The following TENM2 variants were observed in gnomAD, a reference collection of about 807,000 sequenced individuals.
TENM2 encodes the protein teneurin-2.
TENM2 carries 52 observed loss-of-function variants against 245.2 expected under a neutral mutation model. The ratio of observed to expected loss-of-function variants is 0.21; its 90% CI spans 0.17 to 0.27. TENM2 has a LOEUF of 0.27. TENM2 is among the 10% of genes least tolerant of loss of function. TENM2 has a pLI of 1.00. For synonymous variants in TENM2, 1,363 were observed against 1,438.9 expected (o/e 0.95, Z 1.19); for missense variants, 3,046 against 3,666.8 (o/e 0.83, Z 4.37).
chr5:167,950,829 CT>C (rs1006686806), intron 3 of TENM2, among the ~76,000 whole-genome samples: 1 of 152,116 alleles, frequency 6.6e-6, no homozygotes, highest in African/African-American at 2.4e-5. Flanking sequence ...CTATGAAACT[CT>C]CCCAAAGATA....
intron 5 of TENM2, among the ~76,000 whole-genome samples, chr5:168,033,398 T>C (rs1787303004): frequency 6.6e-6 from 1 of 152,156 alleles, no homozygotes; most frequent in East Asian, 1.9e-4. Flanking sequence ...ATTTAATCTC[T>C]CTAAGTCTCA....
intron 2 of TENM2, among the ~76,000 whole-genome samples, chr5:167,769,252 A>G (rs13183733): frequency 7.2e-5 from 11 of 152,170 alleles, no homozygotes; most frequent in Admixed American, 3.9e-4. Flanking sequence ...AGCACTTAGA[A>G]ATGTGGTTCA....
intron 2 of TENM2, among the ~76,000 whole-genome samples, chr5:167,744,820 C>CAAACAAAACAAAACAAAACA (rs144300762): frequency 6.9e-6 from 1 of 145,820 alleles, no homozygotes; most frequent in Admixed American, 6.8e-5. Flanking sequence ...AACAAACAAA[C>CAAACAAAACAAAACAAAACA]AAACAAAACA....
the TENM2 span, among the ~76,000 whole-genome samples, chr5:167,176,881 C>T: frequency 6.6e-6 from 1 of 152,134 alleles, no homozygotes; most frequent in Non-Finnish European, 1.5e-5. Flanking sequence ...GGATGGAGAA[C>T]GTGGATGGGG....
chr5:167,673,110 A>G (rs1272563796), intron 2 of TENM2, among the ~76,000 whole-genome samples: 1 of 152,032 alleles, frequency 6.6e-6, no homozygotes, highest in Non-Finnish European at 1.5e-5. Flanking sequence ...TAGCAGTGCT[A>G]CCAATGTGTA....
intron 1 of TENM2, among the ~76,000 whole-genome samples, chr5:167,302,462 G>C (rs1218765037): frequency 6.6e-6 from 1 of 151,326 alleles, no homozygotes; most frequent in Non-Finnish European, 1.5e-5. Flanking sequence ...TCCAGAAAAG[G>C]AGGAAAGGGG....
intron 2 of TENM2, among the ~76,000 whole-genome samples, chr5:167,787,477 T>C (rs1192466399): frequency 6.6e-6 from 1 of 152,226 alleles, no homozygotes; most frequent in African/African-American, 2.4e-5. Context: ...TTTGACTCCA[T>C]GTAGAAACAG....
intron 9 of TENM2, among the ~76,000 whole-genome samples, chr5:168,116,466 A>C (rs548907480): frequency 2.9e-4 from 44 of 152,148 alleles, no homozygotes; most frequent in Non-Finnish European, 5.7e-4. Context: ...AGAAAAAGGC[A>C]TTGTGTTTAC....
intron 2 of TENM2, among the ~76,000 whole-genome samples, chr5:167,492,496 G>A (rs191009007): frequency 6.6e-6 from 1 of 152,226 alleles, no homozygotes; most frequent in Admixed American, 6.5e-5. Context: ...AATACACAAT[G>A]TTATTAAGGA....
intron 3 of TENM2, among the ~76,000 whole-genome samples, chr5:167,917,090 G>A (rs905341525): frequency 1.3e-5 from 2 of 152,156 alleles, no homozygotes; most frequent in Non-Finnish European, 2.9e-5. Context: ...GGCATCAGAT[G>A]CACCTGATAA....
intron 12 of TENM2, among the ~76,000 whole-genome samples, chr5:168,140,920 G>C (rs1755489273): frequency 6.6e-6 from 1 of 152,142 alleles, no homozygotes; most frequent in African/African-American, 2.4e-5. Context: ...GGAGGCCAGG[G>C]ACAAGAATCT....
At chr5:167,696,676 C>T (rs1051650861) in intron 2 of TENM2, among the ~76,000 whole-genome samples, 3 of 152,130 alleles carry the variant, frequency 2.0e-5, no homozygotes, top group Admixed American at 6.5e-5. Flanking sequence ...ATTTTCTACA[C>T]GGGAATGACC....
In TENM2 at chr5:167,472,676, TA is replaced by T. The variant is rs200327393; in HGVS notation, c.502+97206del. On this transcript the variant is annotated intron_variant, in intron 2 of 28. Transcript: ENST00000518659. The stretch of plus-strand genomic sequence containing the variant: ...CTCTAGTGTTCCATTTATCTTCATA[TA>T]AAGGCTTTATCTGAAGAAAAATTAA... Among the ~76,000 whole-genome samples, 248 of 152,290 alleles carry T rather than the reference TA, an allele frequency of 1.6e-3. 7 individuals are homozygous for T. The East Asian group carries it at 0.028, about 17-fold the overall frequency.
intron 15 of TENM2, among the ~76,000 whole-genome samples, chr5:168,197,131 A>G (rs1404002340): frequency 4.6e-4 from 70 of 152,322 alleles, no homozygotes; most frequent in Admixed American, 4.5e-3. Flanking sequence ...CTCTATGCAG[A>G]ACTATCCCCA....
At chr5:167,171,064 G>C in the TENM2 span, among the ~76,000 whole-genome samples, 2 of 151,992 alleles carry the variant, frequency 1.3e-5, no homozygotes, top group Non-Finnish European at 1.5e-5. Flanking sequence ...TTCTCTATCC[G>C]GGTGATTGCA....
intron 1 of TENM2, among the ~76,000 whole-genome samples, chr5:167,353,299 A>G (rs1759050051): frequency 7.1e-6 from 1 of 141,428 alleles, no homozygotes; most frequent in Non-Finnish European, 1.5e-5. Flanking sequence ...GGTGTAACAC[A>G]GGAAACTTGA....
At chr5:167,033,763 A>T in the TENM2 span, among the ~76,000 whole-genome samples, 2 of 152,310 alleles carry the variant, frequency 1.3e-5, no homozygotes, top group African/African-American at 4.8e-5. Flanking sequence ...TAAGTAACTT[A>T]ACCGTATTAC....
intron 7 of TENM2, among the ~76,000 whole-genome samples, chr5:168,079,472 A>T (rs1791782400): frequency 6.6e-6 from 1 of 152,144 alleles, no homozygotes; most frequent in Non-Finnish European, 1.5e-5. Context: ...ACTATGTTGA[A>T]TAGGAGTGGT....
At chr5:167,845,085 G>A (rs1344664497) in intron 2 of TENM2, among the ~76,000 whole-genome samples, 1 of 151,948 alleles carries the variant, frequency 6.6e-6, no homozygotes, top group African/African-American at 2.4e-5. Flanking sequence ...GTTCAGTCTT[G>A]TTTGTCATTT....
Sources: gnomAD v4.1 joint callset for allele counts (sites outside exome capture counted in the v4.1 genomes callset) on GRCh38, gnomAD v4.1.1 for gene constraint, MANE v1.5 for transcripts, NCBI Gene and HGNC (gene_info 2026-07-23, HGNC 2026-07-21) for gene names.